Variants in THRAP3 observed in about 807,000 individuals in gnomAD.
THRAP3 encodes the protein thyroid hormone receptor-associated protein 3.
THRAP3 carries 16 observed loss-of-function variants against 101.0 expected under a neutral mutation model. The observed-to-expected ratio is 0.16, with a 90% CI of 0.11 to 0.24. The LOEUF (loss-of-function observed/expected upper bound fraction) is 0.24. Ranked by LOEUF, THRAP3 falls within the 10% of genes least tolerant of loss-of-function variation. The probability of loss-of-function intolerance (pLI) is 1.00; values close to 1 mark genes in which losing one functional copy is unlikely to be tolerated. For synonymous variants in THRAP3, 407 were observed against 422.6 expected, an observed-to-expected ratio of 0.96 and a Z score of 0.45; for missense variants, 989 against 1,202.7, an observed-to-expected ratio of 0.82 and a Z score of 2.63.
At chr1:36,235,103 T>C (rs1399310134) in intron 1 of THRAP3, among the ~76,000 whole-genome samples, 1 of 152,172 alleles carries the variant, frequency 6.6e-6, no homozygotes, top group African/African-American at 2.4e-5. Flanking sequence ...CGTGAGGCAC[T>C]ATGACCAGCC....
At chr1:36,288,297 C>A in intron 4 of THRAP3, 1 of 828,426 alleles carries the variant, frequency 1.2e-6, no homozygotes, top group Non-Finnish European at 1.5e-6. Context: ...AGTTTTTTAT[C>A]CTTGCCCCCT....
chr1:36,281,262 G>A (rs1645727867), intron 2 of THRAP3, among the ~76,000 whole-genome samples: 1 of 152,182 alleles, frequency 6.6e-6, no homozygotes, highest in African/African-American at 2.4e-5. Context: ...GACTAGATGT[G>A]CCACATACTC....
intron 1 of THRAP3, among the ~76,000 whole-genome samples, chr1:36,257,612 C>G (rs894398594): frequency 6.6e-5 from 10 of 152,258 alleles, no homozygotes; most frequent in African/African-American, 2.2e-4. Flanking sequence ...TTTCAGGTGT[C>G]TCTTCGCTGT....
chr1:36,297,795 G>T (rs895853757), intron 9 of THRAP3, among the ~76,000 whole-genome samples: 7 of 151,732 alleles, frequency 4.6e-5, no homozygotes, highest in Non-Finnish European at 1.0e-4. Context: ...AACAGTTGGT[G>T]TGATATCCAT....
At chr1:36,266,880 A>ATTTAT (rs937473377) in intron 2 of THRAP3, among the ~76,000 whole-genome samples, 3 of 145,164 alleles carry the variant, frequency 2.1e-5, no homozygotes. Context: ...TTATTTATTT[A>ATTTAT]TTTATTTATT....
At chr1:36,250,008 G>C (rs191556801) in intron 1 of THRAP3, among the ~76,000 whole-genome samples, 4 of 152,132 alleles carry the variant, frequency 2.6e-5, no homozygotes, top group African/African-American at 9.6e-5. Context: ...GTTTATAGAC[G>C]AAAGCAATCT....
chr1:36,243,151 C>CTTTTTTTTTT (rs58340320), intron 1 of THRAP3, among the ~76,000 whole-genome samples: 2 of 60,862 alleles, frequency 3.3e-5, no homozygotes, highest in Non-Finnish European at 6.7e-5. Flanking sequence ...GAGGAACTTT[C>CTTTTTTTTTT]TTTTTTTTTT....
chr1:36,279,164 C>G (rs1192463538), intron 2 of THRAP3, among the ~76,000 whole-genome samples: 4 of 152,052 alleles, frequency 2.6e-5, no homozygotes, highest in Admixed American at 1.3e-4. Flanking sequence ...TCTTAGTTTT[C>G]TAGTTTCTGA....
upstream of THRAP3, among the ~76,000 whole-genome samples, chr1:36,222,146 C>T (rs947086873): frequency 2.0e-5 from 3 of 152,028 alleles, no homozygotes; most frequent in African/African-American, 4.8e-5. Flanking sequence ...GTTATCCACC[C>T]GCCTTGGCCT....
intron 2 of THRAP3, among the ~76,000 whole-genome samples, chr1:36,269,406 A>G (rs1216298966): frequency 6.6e-6 from 1 of 152,182 alleles, no homozygotes; most frequent in African/African-American, 2.4e-5. Flanking sequence ...GTTATGAAGT[A>G]TTCTCATGTC....
At chr1:36,283,805 C>G (rs547506779) in intron 3 of THRAP3, among the ~76,000 whole-genome samples, 2 of 152,136 alleles carry the variant, frequency 1.3e-5, no homozygotes, top group South Asian at 4.2e-4. Context: ...TCTAAGGGGT[C>G]TATTAAACAA....
chr1:36,240,584 A>G (rs903440795), intron 1 of THRAP3, among the ~76,000 whole-genome samples: 5 of 152,164 alleles, frequency 3.3e-5, no homozygotes, highest in Non-Finnish European at 5.9e-5. Flanking sequence ...TTCTCTGGCA[A>G]CACCCTCACA....
At chr1:36,254,787 TA>T (rs921995359) in intron 1 of THRAP3, among the ~76,000 whole-genome samples, 12 of 151,974 alleles carry the variant, frequency 7.9e-5, no homozygotes, top group African/African-American at 2.7e-4. Flanking sequence ...ATTTTTTTGA[TA>T]AAAAAAAATT....
the THRAP3 span, among the ~76,000 whole-genome samples, chr1:36,210,726 T>G: frequency 6.6e-3 from 12 of 1,832 alleles, 1 homozygote; most frequent in Non-Finnish European, 0.012. Flanking sequence ...TATATATATA[T>G]ATATATATAT....
At chr1:36,208,660 A>G in the THRAP3 span, among the ~76,000 whole-genome samples, 1 of 152,130 alleles carries the variant, frequency 6.6e-6, no homozygotes, top group Non-Finnish European at 1.5e-5. Context: ...TGTAACCAAC[A>G]TAATAATTTT....
In THRAP3 at chr1:36,293,923, A is replaced by G. The variant is rs1645914569; in HGVS notation, c.2103A>G (p.Glu701=). 6.2e-7 allele frequency: 1 copy of G among 1,613,738 alleles called. No homozygotes were observed. The highest frequency in any genetic ancestry group is 8.5e-7 in the Non-Finnish European group (1 of 1,179,666). Reference sequence around the variant, plus strand: ...ATGATGAAATGAAAAGTCCCCGGGAACCTGGCTACAAGGTGAACTGTTGAT... The same window carrying G: ...ATGATGAAATGAAAAGTCCCCGGGAGCCTGGCTACAAGGTGAACTGTTGAT... ...LAHDEMKSPR[E]PGYKAEGKYK... Residue 701 remains glutamate, a synonymous_variant, in exon 8 of 12, where the codon GAA becomes GAG. Transcript: ENST00000354618.
At position 36,292,578 on chromosome 1, in the gene THRAP3, G is replaced by GTTTCTTTTAA; in HGVS notation, c.1919-18_1919-9dup. ...AGCCACCATGCCTGGCCCATAATGT[G>GTTTCTTTTAA]TTTCTTTTAATCCCAACAGAGCATC... On this transcript the variant is annotated intron_variant, in intron 6 of 11. Transcript: ENST00000354618. 1 of 1,599,798 alleles carries GTTTCTTTTAA rather than the reference G, an allele frequency of 6.3e-7. No homozygotes were observed. The highest frequency in any genetic ancestry group is 1.1e-5 in the South Asian group (1 of 89,862).
intron 2 of THRAP3, among the ~76,000 whole-genome samples, chr1:36,264,495 A>G (rs1217257149): frequency 1.8e-4 from 27 of 152,236 alleles, no homozygotes. Flanking sequence ...CCAGTATTAC[A>G]AAGTGACTTG....
rs532301363 is a variant in THRAP3 at position 36,270,571 on chromosome 1, G to GT, written c.-32+11092dup. Among the ~76,000 whole-genome samples, 85 of 31,898 alleles carry GT rather than the reference G, an allele frequency of 2.7e-3. 3 individuals carry two copies. In the East Asian group the frequency reaches 0.1, roughly 38 times the overall value. 20.9% of individuals were successfully genotyped at this position (31,898 alleles called of 152,430 possible). A position where few individuals can be genotyped will look rare whatever the true frequency, so the allele number is the denominator to read the frequency against. On this transcript the variant is annotated intron_variant, in intron 2 of 11. Coordinates refer to ENST00000354618, the MANE Select transcript of THRAP3 (RefSeq NM_005119.4). ...TAAAAATACAGTTCTATTTGTTTAG[G>GT]TTTTTGTTTTTTTTTTTTTTTTTGA...
Sources: gnomAD v4.1 joint callset for allele counts (sites outside exome capture counted in the v4.1 genomes callset) on GRCh38, gnomAD v4.1.1 for gene constraint, MANE v1.5 for transcripts, NCBI Gene and HGNC (gene_info 2026-07-23, HGNC 2026-07-21) for gene names.